The following MEGF6 variants were observed in gnomAD, a reference collection of about 807,000 sequenced individuals.
MEGF6 encodes multiple EGF like domains 6, also known as multiple epidermal growth factor-like domains protein 6.
In MEGF6, 184 loss-of-function variants were observed where a neutral mutation model predicts 207.1. That is an observed-to-expected ratio of 0.89 (90% CI 0.79 to 1.00). The LOEUF (loss-of-function observed/expected upper bound fraction) is 1.00, where lower values mean the gene tolerates loss of function less well. Among genes scored for constraint, MEGF6 ranks in the 50% least tolerant of loss-of-function variants. The pLI is 0.00. For missense variants in MEGF6, 2,282 were observed against 2,202.9 expected (o/e 1.04, Z -0.72); for synonymous variants, 1,038 against 910.0 (o/e 1.14, Z -2.53).
At chr1:3,579,443 T>C (rs1485530634) in intron 4 of MEGF6, among the ~76,000 whole-genome samples, 2 of 152,122 alleles carry the variant, frequency 1.3e-5, no homozygotes, top group African/African-American at 2.4e-5. Flanking sequence ...GTGTCCCCCA[T>C]CTTTTAACAC....
rs188723050 is a variant in MEGF6 at position 3,514,736 on chromosome 1, C to T, written c.731-64G>A. The T allele has an allele frequency of 1.2e-4, 181 of 1,476,096 alleles. No homozygotes were observed. The African/African-American group carries it at 2.1e-3, about 17-fold the overall frequency. The allele number at this position is 1,476,096 out of a possible 1,614,324, so 91.4% of individuals were successfully genotyped here. A position where few individuals can be genotyped will look rare whatever the true frequency, so the allele number is the denominator to read the frequency against. On this transcript the variant is annotated intron_variant, in intron 6 of 36. Coordinates refer to ENST00000356575, the MANE Select transcript of MEGF6 (RefSeq NM_001409.4). ...GACCCCAGTGGCTGCAGGGCGCCTG[C>T]CCCCAGGCTTCTTGTGAGACCCCTC...
intron 1 of MEGF6, among the ~76,000 whole-genome samples, chr1:3,609,451 C>G (rs983321645): frequency 6.6e-6 from 1 of 152,242 alleles, no homozygotes; most frequent in Non-Finnish European, 1.5e-5. Flanking sequence ...AGAACTCAGA[C>G]TCTCGCTGGT....
At position 3,500,998 on chromosome 1, in the gene MEGF6, G is replaced by A. The variant is rs1199897278; in HGVS notation, c.2543C>T (p.Ala848Val). 1.2e-6 allele frequency: 2 copies of A among 1,612,274 alleles called. No individual in the cohort carries two copies. Among genetic ancestry groups the A allele is most frequent in the Non-Finnish European group, 8.5e-7 (1 of 1,179,956 alleles). The part of the protein sequence containing the change: ...CHPATGHCSC[A>V]PGWTGFSCQR... ...GCAGCTAAAGCCGGTCCACCCGGGG[G>A]CACAGCTGCAGTGTCCGGTGGCTGG... Residue 848 changes from alanine to valine, a missense_variant, in exon 20 of 37, where the codon GCC (alanine) becomes GTC (valine). Coordinates refer to ENST00000356575, the MANE Select transcript of MEGF6 (RefSeq NM_001409.4).
chr1:3,618,792 G>T, the MEGF6 span, among the ~76,000 whole-genome samples: 20 of 152,122 alleles, frequency 1.3e-4, no homozygotes, highest in Non-Finnish European at 5.9e-5. This position sits in a 1 kb window ranked among gnomAD's most constrained non-coding sequence, Gnocchi z 4.7. Flanking sequence ...GAAGGGAGAG[G>T]CTGAGAAACA....
the MEGF6 span, among the ~76,000 whole-genome samples, chr1:3,617,151 C>T: frequency 6.6e-6 from 1 of 150,682 alleles, no homozygotes; most frequent in Non-Finnish European, 1.5e-5. Context: ...CGCCCTCCCA[C>T]CCCCGGCTCC....
chr1:3,509,939 G>T lies in MEGF6; in HGVS notation c.1288C>A (p.Leu430Met). The part of the protein sequence containing the change: ...RGGCEHHCTN[L>M]AGSFQCSCEA... ...CAGGAGCACTGGAAGGAGCCGGCCAGGTTGGTGCAGTGGTGCTCGCAGCCG... is the reference window on the plus strand; with the variant it reads ...CAGGAGCACTGGAAGGAGCCGGCCATGTTGGTGCAGTGGTGCTCGCAGCCG... Residue 430 changes from leucine (L) to methionine (M), a missense_variant, in exon 11 of 37, where the codon CTG becomes ATG. Coordinates refer to ENST00000356575, the MANE Select transcript of MEGF6 (RefSeq NM_001409.4). 6.3e-7 allele frequency: 1 copy of T among 1,578,332 alleles called. No homozygotes were observed.
In MEGF6 at chr1:3,556,998, G is replaced by A. The variant is rs1030534146; in HGVS notation, c.481+22827C>T. 4.6e-5 allele frequency among the ~76,000 whole-genome samples: 7 copies of A among 152,182 alleles called. No homozygotes were observed. The highest frequency in any genetic ancestry group is 8.8e-5 in the Non-Finnish European group (6 of 68,040). On this transcript the variant is annotated intron_variant, in intron 4 of 36. Transcript: ENST00000356575. The surrounding 1 kb of genome is among the most constrained non-coding windows in gnomAD (Gnocchi z 4.4). ...GGAGTTTCATGGGTGCTGGGGATGC[G>A]GGGAAGGCAGGAGGGAAGGTCGGAG...
intron 4 of MEGF6, among the ~76,000 whole-genome samples, chr1:3,566,682 A>C (rs1044107614): frequency 7.9e-5 from 12 of 152,122 alleles, no homozygotes; most frequent in African/African-American, 2.9e-4. Context: ...CCCATCAAAC[A>C]GCTGGAAATG....
upstream of MEGF6, among the ~76,000 whole-genome samples, chr1:3,616,488 A>T (rs1557440264): frequency 6.6e-6 from 1 of 151,866 alleles, no homozygotes; most frequent in African/African-American, 2.4e-5. Context: ...CTGTGCCAGC[A>T]CCCCCAGTGT....
chr1:3,571,642 G>GGGTCCTTCCTGGGTGTGCTA (rs1643496605), intron 4 of MEGF6, among the ~76,000 whole-genome samples: 1 of 151,802 alleles, frequency 6.6e-6, no homozygotes, highest in Non-Finnish European at 1.5e-5. Context: ...TGGGTGTGCT[G>GGGTCCTTCCTGGGTGTGCTA]GGTCCTTCCT....
intron 2 of MEGF6, among the ~76,000 whole-genome samples, chr1:3,601,888 G>A (rs376276254): frequency 1.3e-5 from 2 of 152,198 alleles, no homozygotes; most frequent in Admixed American, 6.5e-5. Context: ...AGCTAGCCAC[G>A]ATCTTCTCTG....
In MEGF6 at chr1:3,511,546, G is replaced by A. The variant is rs143945772; in HGVS notation, c.1114+4C>T. The stretch of plus-strand genomic sequence containing the variant: ...GCAGGCATCTGGGAGGAGCCAGTGC[G>A]CACCGATGCAGGTCCTCTGATCTGT... On this transcript the variant is annotated splice_donor_region_variant and intron_variant, in intron 9 of 36. Coordinates refer to ENST00000356575, the MANE Select transcript of MEGF6 (RefSeq NM_001409.4). The A allele has an allele frequency of 1.4e-3, 2,233 of 1,601,930 alleles. 9 individuals are homozygous for A. The East Asian group carries it at 0.02, about 15-fold the overall frequency.
intron 26 of MEGF6, chr1:3,497,635 A>T (rs2100882740): frequency 3.1e-6 from 2 of 635,014 alleles, no homozygotes; most frequent in East Asian, 3.2e-5. Flanking sequence ...CAGGGACGAG[A>T]CAGATAGGGC....
In MEGF6 at chr1:3,505,370, G is replaced by A. The variant is rs775514023; in HGVS notation, c.2054-28C>T. On this transcript the variant is annotated intron_variant, in intron 16 of 36. Transcript: ENST00000356575. ...GCAGGGCGTGAGAGAGGGGTGGGTG[G>A]GGTTAACCGACCCTGGCGCCCCCCG... 3 of 1,605,992 alleles carry A rather than the reference G, an allele frequency of 1.9e-6. No individual in the cohort carries two copies. The Admixed American group carries it at 5.1e-5, about 27-fold the overall frequency.
At chr1:3,557,635 G>A (rs1230449605) in intron 4 of MEGF6, among the ~76,000 whole-genome samples, 1 of 152,230 alleles carries the variant, frequency 6.6e-6, no homozygotes. Context: ...CGGACACAGG[G>A]CCCGCTCATC....
chr1:3,535,587 C>T (rs776395155), intron 4 of MEGF6, among the ~76,000 whole-genome samples: 9 of 152,148 alleles, frequency 5.9e-5, no homozygotes, highest in Non-Finnish European at 1.3e-4. Flanking sequence ...CATGCCCACC[C>T]GCCCACCTCC....
At chr1:3,621,948 G>C in the MEGF6 span, among the ~76,000 whole-genome samples, 2 of 152,312 alleles carry the variant, frequency 1.3e-5, no homozygotes, top group East Asian at 3.9e-4. Flanking sequence ...CATTTACCGA[G>C]TGCCAGTACC....
chr1:3,521,178 G>A (rs1431805442), intron 5 of MEGF6, among the ~76,000 whole-genome samples: 3 of 152,144 alleles, frequency 2.0e-5, no homozygotes, highest in Admixed American at 6.5e-5. Flanking sequence ...CCAGGTTCCC[G>A]CTGAGCAGCC....
Position 3,494,069 on chromosome 1 carries a change from A to G in MEGF6, c.4185T>C (p.His1395=), listed in dbSNP as rs777933827. The change falls in exon 33 of 37, where the codon CAT becomes CAC. Residue 1395 remains histidine (H), a synonymous_variant. Coordinates refer to ENST00000356575, the MANE Select transcript of MEGF6 (RefSeq NM_001409.4). ...AGCQGLCWCQ[H]GAPCDPISGR... ...CACTGATGGGGTCGCAGGGGGCTCCATGTTGACACCAGCACAACCCCTGGC... is the reference window on the plus strand; with the variant it reads ...CACTGATGGGGTCGCAGGGGGCTCCGTGTTGACACCAGCACAACCCCTGGC... The G allele has an allele frequency of 1.9e-6, 3 of 1,604,702 alleles. No individual in the cohort carries two copies. The highest frequency in any genetic ancestry group is 2.2e-5 in the South Asian group (2 of 89,992).
Sources: gnomAD v4.1 joint callset for allele counts (sites outside exome capture counted in the v4.1 genomes callset) on GRCh38, gnomAD v4.1.1 for gene constraint, Gnocchi (gnomAD v3.1) non-coding constraint, MANE v1.5 for transcripts, NCBI Gene and HGNC (gene_info 2026-07-23, HGNC 2026-07-21) for gene names.